TMEM232: variants seen among roughly 807,000 people sequenced by gnomAD.
TMEM232 encodes transmembrane protein 232.
A neutral mutation model predicts 78.8 loss-of-function variants in TMEM232; 80 were observed. The ratio of observed to expected loss-of-function variants is 1.01; its 90% confidence interval spans 0.85 to 1.22. TMEM232 has a LOEUF of 1.22. Among genes scored for constraint, TMEM232 ranks in the 50% most tolerant of loss-of-function variants. The probability of loss-of-function intolerance (pLI) is 0.00; values close to 1 mark genes in which losing one functional copy is unlikely to be tolerated. For missense variants in TMEM232, 881 were observed against 742.2 expected (o/e 1.19, Z -2.17); for synonymous variants, 297 against 254.3 (o/e 1.17, Z -1.60).
At chr5:110,581,057 A>T (rs776293502) in intron 10 of TMEM232, among the ~76,000 whole-genome samples, 19 of 151,914 alleles carry the variant, frequency 1.3e-4, no homozygotes, top group Non-Finnish European at 2.1e-4. Flanking sequence ...CATGGACAGA[A>T]TAATTAATAT....
intron 12 of TMEM232, among the ~76,000 whole-genome samples, chr5:110,503,788 C>T (rs887034626): frequency 6.6e-6 from 1 of 152,182 alleles, no homozygotes; most frequent in Non-Finnish European, 1.5e-5. Flanking sequence ...TTCTCCTTCA[C>T]CTTACCTTCT....
chr5:110,537,016 G>A (rs1011480840), intron 11 of TMEM232, among the ~76,000 whole-genome samples: 1 of 152,128 alleles, frequency 6.6e-6, no homozygotes, highest in Non-Finnish European at 1.5e-5. Context: ...GACTAAGACA[G>A]GGCTCAAAAG....
At chr5:110,709,273 C>T (rs1197105662) in intron 1 of TMEM232, among the ~76,000 whole-genome samples, 1 of 151,958 alleles carries the variant, frequency 6.6e-6, no homozygotes, top group African/African-American at 2.4e-5. Flanking sequence ...TAGATCTCAG[C>T]GAATGAATAG....
chr5:110,441,781 A>G (rs1376230925), intron 12 of TMEM232, among the ~76,000 whole-genome samples: 1 of 152,226 alleles, frequency 6.6e-6, no homozygotes, highest in African/African-American at 2.4e-5. Flanking sequence ...CTAACAGTTT[A>G]CAAATAACTA....
At chr5:110,416,567 T>G (rs1379357231), downstream of TMEM232, among the ~76,000 whole-genome samples, 3 of 152,192 alleles carry the variant, frequency 2.0e-5, no homozygotes, top group Admixed American at 2.0e-4. Context: ...CAATTTCCAA[T>G]CAGCTAACTT....
At chr5:110,623,579 A>C (rs1784053574) in intron 7 of TMEM232, among the ~76,000 whole-genome samples, 1 of 152,124 alleles carries the variant, frequency 6.6e-6, no homozygotes, top group Non-Finnish European at 1.5e-5. Flanking sequence ...GTATTGAATG[A>C]GTAAATAGTC....
In TMEM232 at chr5:110,682,095, C is replaced by G. The variant is rs1350173268; in HGVS notation, c.-12-14731G>C. ...TTAAATGTAAAGAAACTAAAATAAACTTGTTAAATTGGATTATTTCACTTT... is the reference window on the plus strand; with the variant it reads ...TTAAATGTAAAGAAACTAAAATAAAGTTGTTAAATTGGATTATTTCACTTT... On this transcript the variant is annotated intron_variant, in intron 1 of 13. Coordinates refer to ENST00000455884, the MANE Select transcript of TMEM232 (RefSeq NM_001039763.4). Among the ~76,000 whole-genome samples the G allele has an allele frequency of 5.9e-5, 9 of 152,038 alleles. No homozygotes were observed. The East Asian group carries it at 1.7e-3, about 29-fold the overall frequency.
At chr5:110,720,563 G>A (rs577266183) in intron 1 of TMEM232, 3 of 152,234 alleles carry the variant, frequency 2.0e-5, no homozygotes, top group African/African-American at 7.2e-5. Flanking sequence ...CATGAGTCAT[G>A]ACTCAAGTGG....
intron 12 of TMEM232, among the ~76,000 whole-genome samples, chr5:110,518,734 A>C (rs1441111687): frequency 6.6e-6 from 1 of 152,204 alleles, no homozygotes; most frequent in Non-Finnish European, 1.5e-5. Flanking sequence ...AGCTGCAATA[A>C]AGTTTGCCTT....
At chr5:110,692,610 C>T (rs985306567) in intron 1 of TMEM232, among the ~76,000 whole-genome samples, 1 of 152,194 alleles carries the variant, frequency 6.6e-6, no homozygotes, top group Non-Finnish European at 1.5e-5. Context: ...CCTAATACTG[C>T]GCTTTTCCAA....
At chr5:110,592,566 T>G (rs991311964) in intron 10 of TMEM232, among the ~76,000 whole-genome samples, 10 of 152,174 alleles carry the variant, frequency 6.6e-5, no homozygotes, top group Admixed American at 6.5e-4. Context: ...TTGTCCACCG[T>G]GTTGAGAAAA....
chr5:110,586,989 C>CA (rs1472128563), intron 10 of TMEM232, among the ~76,000 whole-genome samples: 1 of 151,904 alleles, frequency 6.6e-6, no homozygotes, highest in Non-Finnish European at 1.5e-5. Flanking sequence ...CATAAAAGAG[C>CA]AACACAATTT....
intron 12 of TMEM232, among the ~76,000 whole-genome samples, chr5:110,428,382 A>G (rs1258706458): frequency 6.6e-6 from 1 of 151,778 alleles, no homozygotes; most frequent in East Asian, 1.9e-4. Flanking sequence ...TGCACTTTTG[A>G]GATATAAATA....
intron 12 of TMEM232, among the ~76,000 whole-genome samples, chr5:110,506,941 T>C (rs1470131635): frequency 6.6e-6 from 1 of 152,172 alleles, no homozygotes; most frequent in Non-Finnish European, 1.5e-5. Flanking sequence ...ACCACTCTCT[T>C]GGGCCTATAA....
Position 110,528,764 on chromosome 5 carries a change from T to G in TMEM232, c.1527A>C (p.Glu509Asp). Reference sequence around the variant, plus strand: ...TCCACCCAATATATTTGGAGAAAACTTCTTCTCCTACATTTGATGAAATAT... The same window carrying G: ...TCCACCCAATATATTTGGAGAAAACGTCTTCTCCTACATTTGATGAAATAT... ...STNISSNVGE[E>D]VFSKYIGWRI... Residue 509 changes from glutamate to aspartate, a missense_variant, in exon 12 of 14, where the codon GAA (glutamate) becomes GAC (aspartate). Transcript: ENST00000455884. The G allele has an allele frequency of 6.5e-7, 1 of 1,533,622 alleles. No homozygotes were observed. Among genetic ancestry groups the G allele is most frequent in the Non-Finnish European group, 8.7e-7 (1 of 1,145,734 alleles).
In TMEM232 at chr5:110,420,846, A is replaced by G. The variant is rs542334820; in HGVS notation, c.1798-90T>C. 42 of 1,435,960 alleles carry G rather than the reference A, an allele frequency of 2.9e-5. 1 individual carries two copies. The East Asian group carries it at 6.5e-4, about 22-fold the overall frequency. The allele number at this position is 1,435,960 out of a possible 1,614,324, so 89.0% of individuals were successfully genotyped here. A position where few individuals can be genotyped will look rare whatever the true frequency, so the allele number is the denominator to read the frequency against. On this transcript the variant is annotated intron_variant, in intron 13 of 13. Coordinates refer to ENST00000455884, the MANE Select transcript of TMEM232 (RefSeq NM_001039763.4). ...CTCAAAATGCAGATTCTTATATCCA[A>G]TTATCCTTTCAGGTTTTTTCCATGA...
At chr5:110,477,828 A>T (rs1162774946) in intron 12 of TMEM232, among the ~76,000 whole-genome samples, 1 of 151,950 alleles carries the variant, frequency 6.6e-6, no homozygotes, top group South Asian at 2.1e-4. Flanking sequence ...GTAAAATACT[A>T]TCATGGGATT....
intron 10 of TMEM232, among the ~76,000 whole-genome samples, chr5:110,577,098 G>A (rs1777655916): frequency 6.6e-6 from 1 of 151,800 alleles, no homozygotes; most frequent in South Asian, 2.1e-4. Context: ...AGACAATCTT[G>A]GGAATGGGAG....
At chr5:110,409,307 A>T (rs1755905698) in intron 2 of TMEM232, among the ~76,000 whole-genome samples, 1 of 152,180 alleles carries the variant, frequency 6.6e-6, no homozygotes, top group Non-Finnish European at 1.5e-5. Flanking sequence ...AATTCAACAC[A>T]ACTTATATGG....
Sources: gnomAD v4.1 joint callset for allele counts (sites outside exome capture counted in the v4.1 genomes callset) on GRCh38, gnomAD v4.1.1 for gene constraint, MANE v1.5 for transcripts, NCBI Gene and HGNC (gene_info 2026-07-23, HGNC 2026-07-21) for gene names.